The following MICAL2 variants were observed in gnomAD, a reference collection of about 807,000 sequenced individuals.
The protein encoded by MICAL2 is microtubule associated monooxygenase, calponin and LIM domain containing 2.
Under a neutral mutation model 127.3 loss-of-function variants are expected in MICAL2, and 77 were observed. The observed-to-expected ratio is 0.60, with a 90% CI of 0.50 to 0.73. The LOEUF is 0.73. Among genes scored for constraint, MICAL2 ranks in the 30% least tolerant of loss-of-function variants. The pLI, the probability that MICAL2 is intolerant of heterozygous loss-of-function variation, is 0.00. For missense variants in MICAL2, 1,351 were observed against 1,434.4 expected (o/e 0.94, Z 0.94); for synonymous variants, 570 against 551.1 (o/e 1.03, Z -0.48).
chr11:12,267,333 G>A (rs919289900), downstream of MICAL2, among the ~76,000 whole-genome samples: 3 of 152,194 alleles, frequency 2.0e-5, no homozygotes, highest in Non-Finnish European at 2.9e-5. Flanking sequence ...AACAGGCTCT[G>A]CCCTTAGCCT....
chr11:12,296,048 G>T (rs11022279), downstream of MICAL2, among the ~76,000 whole-genome samples: 62,816 of 151,628 alleles, frequency 0.41, 15,089 homozygotes, highest in Non-Finnish European at 0.55. Flanking sequence ...AATAATCAGA[G>T]TAATCCAACA....
intron 30 of MICAL2, among the ~76,000 whole-genome samples, chr11:12,322,004 T>C (rs1434772590): frequency 6.6e-6 from 1 of 152,128 alleles, no homozygotes; most frequent in Non-Finnish European, 1.5e-5. Flanking sequence ...AGATTCAGGC[T>C]ACCTGTGCCT....
chr11:12,185,858 T>C (rs547217360), intron 3 of MICAL2, among the ~76,000 whole-genome samples: 135 of 152,364 alleles, frequency 8.9e-4, no homozygotes, highest in Non-Finnish European at 1.5e-3. Context: ...CTGCTTCAAA[T>C]TGAATCCCAA....
chr11:12,354,992 C>A, intron 34 of MICAL2: 1 of 739,682 alleles, frequency 1.4e-6, no homozygotes, highest in Non-Finnish European at 2.2e-6. Flanking sequence ...AGCCAGCCTG[C>A]CTCCCACCAG....
At chr11:12,141,955 G>A (rs1413388679) in intron 2 of MICAL2, among the ~76,000 whole-genome samples, 2 of 152,188 alleles carry the variant, frequency 1.3e-5, no homozygotes, top group Non-Finnish European at 2.9e-5. Flanking sequence ...TGAAAAGAAC[G>A]ACAGATCCTT....
chr11:12,129,197 G>A (rs1465379523), intron 1 of MICAL2, among the ~76,000 whole-genome samples: 1 of 152,024 alleles, frequency 6.6e-6, no homozygotes, highest in Non-Finnish European at 1.5e-5. Context: ...TAGAGACTTG[G>A]GCCAAAAGAA....
intron 1 of MICAL2, among the ~76,000 whole-genome samples, chr11:12,122,779 C>T (rs901637107): frequency 1.3e-5 from 2 of 152,144 alleles, no homozygotes; most frequent in African/African-American, 4.8e-5. Flanking sequence ...AACGATGGGC[C>T]ACCTTTCGCT....
chr11:12,177,691 A>G (rs747477921), intron 3 of MICAL2, among the ~76,000 whole-genome samples: 5 of 152,172 alleles, frequency 3.3e-5, no homozygotes, highest in Non-Finnish European at 7.3e-5. Context: ...AGGTACAGGT[A>G]TGGCACAACT....
chr11:12,239,569 C>T lies in MICAL2; in HGVS notation c.2198C>T (p.Pro733Leu). 6.2e-7 allele frequency: 1 copy of T among 1,614,134 alleles called. No homozygotes were observed. The highest frequency in any genetic ancestry group is 1.3e-5 in the African/African-American group (1 of 75,040). Residue 733 changes from proline (P) to leucine (L), a missense_variant, in exon 17 of 28, where the codon CCC becomes CTC. Transcript: ENST00000683283. ...AAGTTTGAGGAGAGCACTCGGAACCCCTCACTCATGAAGCAGGTGAGTCAT... is the reference window on the plus strand; with the variant it reads ...AAGTTTGAGGAGAGCACTCGGAACCTCTCACTCATGAAGCAGGTGAGTCAT... ...LAKFEESTRN[P>L]SLMKQERRVS... is the part of the protein sequence containing the mutation.
downstream of MICAL2, chr11:12,293,751 CAG>C: frequency 6.2e-7 from 1 of 1,613,990 alleles, no homozygotes; most frequent in South Asian, 1.1e-5. Flanking sequence ...TCAGACCCTG[CAG>C]AGATGACTTC....
chr11:12,123,631 C>CA (rs1850684008), intron 1 of MICAL2, among the ~76,000 whole-genome samples: 1 of 152,224 alleles, frequency 6.6e-6, no homozygotes, highest in South Asian at 2.1e-4. Context: ...GCCACAGCTG[C>CA]ATCCCGGGAG....
chr11:12,168,216 TACACACATACACACACCAC>T (rs1244246164), intron 3 of MICAL2, among the ~76,000 whole-genome samples: 2 of 149,386 alleles, frequency 1.3e-5, no homozygotes, highest in East Asian at 3.9e-4. Context: ...GTCACACATA[TACACACATACACACACCAC>T]ACACACATAC....
chr11:12,290,738 G>A (rs1863887154), downstream of MICAL2, among the ~76,000 whole-genome samples: 1 of 152,230 alleles, frequency 6.6e-6, no homozygotes, highest in Admixed American at 6.5e-5. Flanking sequence ...CTCCCTCTGG[G>A]AGCTTGCTGA....
intron 2 of MICAL2, among the ~76,000 whole-genome samples, chr11:12,151,123 G>A (rs879907089): frequency 1.3e-5 from 2 of 152,040 alleles, no homozygotes; most frequent in Admixed American, 1.3e-4. Flanking sequence ...AGTGCCTGGG[G>A]GTGTTTCTGA....
At chr11:12,214,274 C>G (rs1855868765) in intron 7 of MICAL2, among the ~76,000 whole-genome samples, 1 of 152,208 alleles carries the variant, frequency 6.6e-6, no homozygotes, top group Non-Finnish European at 1.5e-5. Context: ...AGCAATGTAA[C>G]AACAATGTTA....
intron 12 of MICAL2, 123 bp from the exon 13 acceptor site, chr11:12,224,550 T>C: frequency 7.4e-7 from 1 of 1,343,330 alleles, no homozygotes; most frequent in Non-Finnish European, 1.0e-6. Flanking sequence ...CCCCCTGCCC[T>C]GGCCCCTTGC....
chr11:12,215,333 T>C (rs961185936), intron 7 of MICAL2, among the ~76,000 whole-genome samples: 3 of 152,158 alleles, frequency 2.0e-5, no homozygotes, highest in Non-Finnish European at 4.4e-5. Context: ...TATTTAACCG[T>C]AATAAAGGTG....
chr11:12,301,711 G>A (rs1864049009), intron 29 of MICAL2, among the ~76,000 whole-genome samples: 1 of 152,150 alleles, frequency 6.6e-6, no homozygotes, highest in Non-Finnish European at 1.5e-5. Context: ...TCAGGGAAGT[G>A]AAAAATCACA....
intron 1 of MICAL2, among the ~76,000 whole-genome samples, chr11:12,114,431 G>A (rs1849835929): frequency 6.6e-6 from 1 of 152,218 alleles, no homozygotes; most frequent in Non-Finnish European, 1.5e-5. Flanking sequence ...CGAGGATCCA[G>A]TTGGTATGCC....
Sources: allele counts gnomAD v4.1 joint callset (sites outside exome capture counted in the v4.1 genomes callset), GRCh38; gene constraint gnomAD v4.1.1; transcripts MANE v1.5; gene names NCBI Gene and HGNC (gene_info 2026-07-23, HGNC 2026-07-21).